Variants in ATG9A observed in about 807,000 individuals in gnomAD.
The protein encoded by ATG9A is autophagy related 9A.
Under a neutral mutation model 87.1 loss-of-function variants are expected in ATG9A, and 21 were observed. The ratio of observed to expected loss-of-function variants is 0.24; its 90% confidence interval spans 0.17 to 0.35. The LOEUF (loss-of-function observed/expected upper bound fraction) is 0.35. Among genes scored for constraint, ATG9A ranks in the 10% least tolerant of loss-of-function variants. The probability of loss-of-function intolerance (pLI) is 1.00; values close to 1 mark genes in which losing one functional copy is unlikely to be tolerated. For synonymous variants in ATG9A, 422 were observed against 441.3 expected, an observed-to-expected ratio of 0.96 and a Z score of 0.55; for missense variants, 836 against 1,107.3, an observed-to-expected ratio of 0.76 and a Z score of 3.48.
intron 14 of ATG9A, 35 bp downstream of exon 14, chr2:219,221,045 C>T (rs1230371397): frequency 6.2e-7 from 1 of 1,606,968 alleles, no homozygotes; most frequent in Admixed American, 1.7e-5. Context: ...CCCTTCCCTG[C>T]AGCCTCTGTT....
At position 219,227,822 on chromosome 2, in the gene ATG9A, T is replaced by A; in HGVS notation, c.104-9A>T. Reference sequence around the variant, plus strand: ...AATATGGTGCCAAGGTGCTGTGGGATAGGAACAGAGATGTCAGAGCCCTGG... The same window carrying A: ...AATATGGTGCCAAGGTGCTGTGGGAAAGGAACAGAGATGTCAGAGCCCTGG... On this transcript the variant is annotated splice_polypyrimidine_tract_variant and intron_variant, in intron 3 of 15. Coordinates refer to ENST00000361242, the MANE Select transcript of ATG9A (RefSeq NM_001077198.3). 6.2e-7 allele frequency: 1 copy of A among 1,614,006 alleles called. No individual in the cohort carries two copies. Among genetic ancestry groups the A allele is most frequent in the Non-Finnish European group, 8.5e-7 (1 of 1,179,900 alleles).
chr2:219,225,658 C>G, intron 5 of ATG9A, 86 bp from the exon 6 acceptor site: 2 of 1,442,662 alleles, frequency 1.4e-6, no homozygotes, highest in South Asian at 1.3e-5. Context: ...CTGGAGGTGG[C>G]AGAACAAGAC....
chr2:219,219,795 TTC>T lies in ATG9A; in HGVS notation c.*650_*651del, dbSNP rs1950714692. The T allele has an allele frequency of 6.6e-6, 1 of 152,232 alleles. No individual in the cohort carries two copies. Among genetic ancestry groups the T allele is most frequent in the African/African-American group, 2.4e-5 (1 of 41,436 alleles). 9.4% of individuals were successfully genotyped at this position (152,232 alleles called of 1,614,324 possible). On this transcript the variant is annotated 3_prime_UTR_variant, in exon 16 of 16. Coordinates refer to ENST00000361242, the MANE Select transcript of ATG9A (RefSeq NM_001077198.3). Reference sequence around the variant, plus strand: ...ATCCTGCTCCTACAATTTAGAAACCTTCTTTTTTAGTGTCAAAATATAGCGTT... The same window carrying T: ...ATCCTGCTCCTACAATTTAGAAACCTTTTTTTAGTGTCAAAATATAGCGTT...
intron 13 of ATG9A, among the ~76,000 whole-genome samples, chr2:219,221,738 A>G (rs559674084): frequency 6.6e-6 from 1 of 152,224 alleles, no homozygotes; most frequent in East Asian, 1.9e-4. Flanking sequence ...TAAGACAGGA[A>G]GATTCAGGAG....
intron 1 of ATG9A, chr2:219,228,740 G>A (rs911511283): frequency 2.0e-5 from 3 of 152,226 alleles, no homozygotes; most frequent in African/African-American, 7.2e-5. Context: ...CAGACCTGAG[G>A]CCAGGGGCGC....
chr2:219,225,081 C>T lies in ATG9A; in HGVS notation c.506G>A (p.Arg169His), dbSNP rs114268182. The change falls in exon 7 of 16, where the codon CGC becomes CAC. Residue 169 changes from arginine to histidine, a missense_variant. By Grantham distance (29) the Arg-to-His change is conservative. Transcript: ENST00000361242. ...EIHSFYLHALRIPMSALPYCT... is the reference protein window; with the variant it reads ...EIHSFYLHALHIPMSALPYCT... ...ACTTCCCAGTCTTACCATAGGGATG[C>T]GCAGAGCGTGCAGGTAGAAGGAGTG... 457 of 1,614,182 alleles carry T rather than the reference C, an allele frequency of 2.8e-4. 1 individual carries two copies. The African/African-American group carries it at 4.5e-3, about 16-fold the overall frequency.
In ATG9A at chr2:219,221,926, T is replaced by G. The variant is rs373665258; in HGVS notation, c.2145+124A>C. On this transcript the variant is annotated intron_variant, in intron 13 of 15. Transcript: ENST00000361242. ...TGAGAGCAGGCTTAGCTAAAAAGGA[T>G]ATTAAGAAGGTAGATATGGGAGTGG... is the stretch of plus-strand genomic sequence containing the variant. The G allele has an allele frequency of 2.3e-5, 19 of 820,860 alleles. No homozygotes were observed. The East Asian group carries it at 5.1e-4, about 22-fold the overall frequency. 50.8% of individuals were successfully genotyped at this position (820,860 alleles called of 1,614,324 possible). A position where few individuals can be genotyped will look rare whatever the true frequency, so the allele number is the denominator to read the frequency against.
chr2:219,223,039 A>G lies in ATG9A; in HGVS notation c.1600-146T>C. ...TCCCAGGGCACTGGTGCCCCCCCAG[A>G]CCCAGGAGGGGCTGCACTGCATGCT... On this transcript the variant is annotated intron_variant, in intron 10 of 15. Transcript: ENST00000361242. This position sits in a 1 kb window ranked among gnomAD's most constrained non-coding sequence, Gnocchi z 4.7. 4 of 968,424 alleles carry G rather than the reference A, an allele frequency of 4.1e-6. No homozygotes were observed. The highest frequency in any genetic ancestry group is 4.5e-6 in the Non-Finnish European group (3 of 671,764). 60.0% of individuals were successfully genotyped at this position (968,424 alleles called of 1,614,324 possible).
In ATG9A at chr2:219,220,609, A is replaced by G; in HGVS notation, c.2514+138T>C. On this transcript the variant is annotated intron_variant, in intron 15 of 15. Transcript: ENST00000361242. ...GCCCTGCAGAGCAGTTGAGAAAAGA[A>G]GGGGTAGTGTGTTTTGGAAGGGAGG... 2.7e-6 allele frequency: 4 copies of G among 1,477,546 alleles called. No homozygotes were observed. In the Middle Eastern group the frequency reaches 7.1e-4, roughly 263 times the overall value. The allele number at this position is 1,477,546 out of a possible 1,614,324, so 91.5% of individuals were successfully genotyped here.
Position 219,220,400 on chromosome 2 carries a change from C to G in ATG9A, c.*47G>C. The stretch of plus-strand genomic sequence containing the variant: ...ATGGCAGGCAGACGGGATGGCAGGG[C>G]AGCGGTGGCCTCCATCCTGGGCCAC... On this transcript the variant is annotated 3_prime_UTR_variant, in exon 16 of 16. Coordinates refer to ENST00000361242, the MANE Select transcript of ATG9A (RefSeq NM_001077198.3). 2 of 1,608,386 alleles carry G rather than the reference C, an allele frequency of 1.2e-6. No individual in the cohort carries two copies. Among genetic ancestry groups the G allele is most frequent in the Non-Finnish European group, 1.7e-6 (2 of 1,175,634 alleles).
Position 219,222,240 on chromosome 2 carries a change from G to A in ATG9A, c.2027+32C>T, listed in dbSNP as rs1232278136. The A allele has an allele frequency of 2.5e-6, 4 of 1,613,236 alleles. No individual in the cohort carries two copies. Among genetic ancestry groups the A allele is most frequent in the Admixed American group, 1.7e-5 (1 of 59,990 alleles). ...CCCACACAAGCTGCTGAGGGCTGCC[G>A]TGCCCTCCCATCTTGGCCCCGATTT... On this transcript the variant is annotated intron_variant, in intron 12 of 15. Coordinates refer to ENST00000361242, the MANE Select transcript of ATG9A (RefSeq NM_001077198.3). The surrounding 1 kb of genome is among the most constrained non-coding windows in gnomAD (Gnocchi z 4.3).
At position 219,221,138 on chromosome 2, in the gene ATG9A, T is replaced by A; in HGVS notation, c.2310A>T (p.Gly770=). 1 of 1,611,504 alleles carries A rather than the reference T, an allele frequency of 6.2e-7. No homozygotes were observed. ...ASYPCAAPRP[G]APETTALHGG... is the part of the protein sequence containing the mutation. ...CATGCAGGGCAGTGGTCTCAGGAGC[T>A]CCAGGCCGGGGTGCTGCACAGGGAT... Residue 770 remains glycine, a synonymous_variant, in exon 14 of 16, where the codon GGA becomes GGT. Transcript: ENST00000361242.
At chr2:219,227,579 G>A (rs1950887868) in intron 4 of ATG9A, among the ~76,000 whole-genome samples, 191 bp downstream of exon 4, 1 of 152,122 alleles carries the variant, frequency 6.6e-6, no homozygotes, top group South Asian at 2.1e-4. Context: ...AGTGGACACA[G>A]GCACACAGAT....
chr2:219,222,578 C>G lies in ATG9A; in HGVS notation c.1848+67G>C. 6.2e-7 allele frequency: 1 copy of G among 1,601,630 alleles called. No homozygotes were observed. Among genetic ancestry groups the G allele is most frequent in the Non-Finnish European group, 8.5e-7 (1 of 1,171,698 alleles). ...CAGCAGGAAGCCTTCCACCCCATGC[C>G]CGGTCCCTCAACTCCCAGCTCCTGA... On this transcript the variant is annotated intron_variant, in intron 11 of 15. Transcript: ENST00000361242. This position sits in a 1 kb window ranked among gnomAD's most constrained non-coding sequence, Gnocchi z 4.3.
At chr2:219,227,474 C>T (rs1231712240) in intron 4 of ATG9A, among the ~76,000 whole-genome samples, 3 of 151,792 alleles carry the variant, frequency 2.0e-5, no homozygotes, top group Non-Finnish European at 2.9e-5. Flanking sequence ...TTGAGATCGC[C>T]CCTGGACTCT....
rs754362059 is a variant in ATG9A, at chr2:219,222,687, A to G, written c.1806T>C (p.Asn602=). 1.9e-6 allele frequency: 3 copies of G among 1,614,174 alleles called. No individual in the cohort carries two copies. The highest frequency in any genetic ancestry group is 2.5e-6 in the Non-Finnish European group (3 of 1,180,020). Residue 602 remains asparagine (N), a synonymous_variant, in exon 11 of 16, where the codon AAT becomes AAC. Coordinates refer to ENST00000361242, the MANE Select transcript of ATG9A (RefSeq NM_001077198.3). This position sits in a 1 kb window ranked among gnomAD's most constrained non-coding sequence, Gnocchi z 4.3. ...SLAQGGLLPE[N]ALFTSIQSLQ... is the part of the protein sequence containing the mutation. ...AGGACTGGATAGACGTAAAGAGGGC[A>G]TTTTCAGGGAGCAGACCCCCTTGGG...
Position 219,225,482 on chromosome 2 carries a change from A to G in ATG9A, c.303T>C (p.Ser101=). ...CCTTGACGGGTTCAGTAGGGTGAAG[A>G]CTGTGGTTCACCATCTTGTTGGCAA... ...ILFANKMVNH[S]LHPTEPVKVT... is the part of the protein sequence containing the mutation. The change falls in exon 6 of 16, where the codon AGT becomes AGC. Residue 101 remains serine, a synonymous_variant. Transcript: ENST00000361242. 2 of 1,614,134 alleles carry G rather than the reference A, an allele frequency of 1.2e-6. No individual in the cohort carries two copies. The highest frequency in any genetic ancestry group is 8.5e-7 in the Non-Finnish European group (1 of 1,180,004).
chr2:219,221,998 C>G, intron 13 of ATG9A, 52 bp downstream of exon 13: 1 of 1,525,050 alleles, frequency 6.6e-7, no homozygotes, highest in East Asian at 2.3e-5. Flanking sequence ...GAACCCCGGT[C>G]TTGCTTCTCC....
Position 219,220,373 on chromosome 2 carries a change from C to T in ATG9A, c.*74G>A. ...CCAGGGAACACTCAGAGGAGCCGTC[C>T]CATGGCAGGCAGACGGGATGGCAGG... On this transcript the variant is annotated 3_prime_UTR_variant, in exon 16 of 16. Transcript: ENST00000361242. The T allele has an allele frequency of 1.3e-6, 2 of 1,578,344 alleles. No homozygotes were observed. The highest frequency in any genetic ancestry group is 1.7e-6 in the Non-Finnish European group (2 of 1,150,116).
Sources: gnomAD v4.1 joint callset for allele counts (sites outside exome capture counted in the v4.1 genomes callset) on GRCh38, gnomAD v4.1.1 for gene constraint, Gnocchi (gnomAD v3.1) non-coding constraint, MANE v1.5 for transcripts, NCBI Gene and HGNC (gene_info 2026-07-23, HGNC 2026-07-21) for gene names.